Variants in IL33 observed in about 807,000 individuals in gnomAD.
IL33 encodes interleukin-33.
In IL33, 37 loss-of-function variants were observed where a neutral mutation model predicts 27.3. The ratio of observed to expected loss-of-function variants is 1.36; its 90% CI spans 1.04 to 1.78. The LOEUF (loss-of-function observed/expected upper bound fraction) is 1.78, where lower values mean the gene tolerates loss of function less well. IL33 is among the 40% of genes most tolerant of loss of function. The probability of loss-of-function intolerance (pLI) is 0.00; values close to 1 mark genes in which losing one functional copy is unlikely to be tolerated. For missense variants in IL33, 406 were observed against 311.4 expected (o/e 1.30, Z -2.29); for synonymous variants, 132 against 102.9 (o/e 1.28, Z -1.71).
intron 1 of IL33, among the ~76,000 whole-genome samples, chr9:6,225,577 A>G (rs1191579841): frequency 6.6e-6 from 1 of 152,216 alleles, no homozygotes; most frequent in Non-Finnish European, 1.5e-5. Flanking sequence ...TGCAAGAAGC[A>G]TCTTGGTTCT....
intron 1 of IL33, among the ~76,000 whole-genome samples, chr9:6,231,633 A>G (rs1818930333): frequency 6.6e-6 from 1 of 152,238 alleles, no homozygotes; most frequent in Non-Finnish European, 1.5e-5. Context: ...ATAGAAAGTA[A>G]ACTCCAGGAG....
chr9:6,252,728 T>A, intron 4 of IL33, 138 bp from the exon 5 acceptor site: 1 of 966,576 alleles, frequency 1.0e-6, no homozygotes, highest in Non-Finnish European at 1.6e-6. Context: ...ATGTAAAACT[T>A]GTATCAAAGG....
intron 1 of IL33, 119 bp from the exon 2 acceptor site, chr9:6,241,565 T>A (rs527660670): frequency 2.4e-5 from 14 of 584,456 alleles, no homozygotes; most frequent in African/African-American, 1.9e-4. Flanking sequence ...CAAACTTTAC[T>A]GAAATAATTA....
At chr9:6,234,114 A>C (rs921412193) in intron 1 of IL33, among the ~76,000 whole-genome samples, 2 of 152,002 alleles carry the variant, frequency 1.3e-5, no homozygotes, top group Non-Finnish European at 2.9e-5. Context: ...TTCCCCTTAC[A>C]TGTTAGATAT....
rs758073301 is a variant in IL33, at chr9:6,253,011, T to C, written c.469+20T>C. On this transcript the variant is annotated intron_variant, in intron 5 of 7. Coordinates refer to ENST00000682010, the MANE Select transcript of IL33 (RefSeq NM_033439.4). Reference sequence around the variant, plus strand: ...AGAAAGGTAGATTATTTTCTTTTTCTATAATAATGTAATAATGACTAATAA... The same window carrying C: ...AGAAAGGTAGATTATTTTCTTTTTCCATAATAATGTAATAATGACTAATAA... 1.4e-6 allele frequency: 2 copies of C among 1,395,672 alleles called. No individual in the cohort carries two copies. The highest frequency in any genetic ancestry group is 2.2e-5 in the Admixed American group (1 of 46,066). 86.5% of individuals were successfully genotyped at this position (1,395,672 alleles called of 1,614,324 possible). A position where few individuals can be genotyped will look rare whatever the true frequency, so the allele number is the denominator to read the frequency against.
intron 6 of IL33, among the ~76,000 whole-genome samples, 185 bp from the exon 7 acceptor site, chr9:6,254,277 T>C (rs1367647682): frequency 2.0e-5 from 3 of 152,206 alleles, no homozygotes; most frequent in Non-Finnish European, 2.9e-5. Context: ...TCTCTCCGGT[T>C]TATAAGTACC....
rs897047161 is a variant in IL33 at position 6,255,863 on chromosome 9, T to C, written c.613-105T>C. 8.0e-6 allele frequency: 7 copies of C among 875,878 alleles called. 1 individual carries two copies. The Admixed American group carries it at 1.0e-4, about 13-fold the overall frequency. 54.3% of individuals were successfully genotyped at this position (875,878 alleles called of 1,614,324 possible). A position where few individuals can be genotyped will look rare whatever the true frequency, so the allele number is the denominator to read the frequency against. On this transcript the variant is annotated intron_variant, in intron 7 of 7. Coordinates refer to ENST00000682010, the MANE Select transcript of IL33 (RefSeq NM_033439.4). ...TCACTAAGCAAGCTTGCTAGAAATA[T>C]CAAGTCATAAATAAGTATTCCCCTT...
intron 1 of IL33, among the ~76,000 whole-genome samples, chr9:6,232,564 T>A (rs966905973): frequency 6.6e-6 from 1 of 152,144 alleles, no homozygotes; most frequent in African/African-American, 2.4e-5. Flanking sequence ...TTCCTATGAT[T>A]ATCTAAAATG....
intron 1 of IL33, among the ~76,000 whole-genome samples, chr9:6,226,488 T>C (rs1818634879): frequency 6.6e-6 from 1 of 152,184 alleles, no homozygotes; most frequent in Non-Finnish European, 1.5e-5. Flanking sequence ...TCATTTTTCT[T>C]CCAAGTCTTT....
intron 1 of IL33, among the ~76,000 whole-genome samples, chr9:6,238,129 G>A (rs959339243): frequency 1.3e-5 from 2 of 152,186 alleles, no homozygotes; most frequent in Non-Finnish European, 2.9e-5. Flanking sequence ...GAGAAAGAAT[G>A]GAGGGAGACA....
chr9:6,236,617 C>T (rs1436942731), intron 1 of IL33, among the ~76,000 whole-genome samples: 1 of 152,200 alleles, frequency 6.6e-6, no homozygotes, highest in Non-Finnish European at 1.5e-5. Context: ...CCTGTAATCC[C>T]AGCACTTTGG....
intron 6 of IL33, among the ~76,000 whole-genome samples, chr9:6,253,835 G>A (rs1816561441): frequency 6.6e-6 from 1 of 152,126 alleles, no homozygotes; most frequent in African/African-American, 2.4e-5. Flanking sequence ...AAACAAGAGT[G>A]GTTTATGCTA....
At chr9:6,255,882 T>A in intron 7 of IL33, 86 bp from the exon 8 acceptor site, 1 of 1,031,318 alleles carries the variant, frequency 9.7e-7, no homozygotes, top group South Asian at 1.4e-5. Context: ...AAATAAGTAT[T>A]CCCCTTTAGT....
intron 1 of IL33, 43 bp downstream of exon 1, chr9:6,215,895 A>T (rs1317334471): frequency 1.3e-5 from 2 of 152,048 alleles, no homozygotes. Flanking sequence ...AGATTTTGCA[A>T]AGTTAAACCT....
Position 6,254,527 on chromosome 9 carries a change from G to A in IL33, c.586G>A (p.Ala196Thr). ...TCCTACAAAAGACTTCTGGTTGCAT[G>A]CCAACAACAAGGAACACTCTGTGGA... ...LSPTKDFWLH[A>T]NNKEHSVELH... is the part of the protein sequence containing the mutation. Residue 196 changes from alanine to threonine, a missense_variant, in exon 7 of 8, where the codon GCC (alanine) becomes ACC (threonine). By Grantham distance (58) the Ala-to-Thr change is moderately conservative. Coordinates refer to ENST00000682010, the MANE Select transcript of IL33 (RefSeq NM_033439.4). The A allele has an allele frequency of 6.3e-7, 1 of 1,592,720 alleles. No homozygotes were observed.
chr9:6,252,090 A>ACTT (rs1816426970), intron 4 of IL33, among the ~76,000 whole-genome samples: 1 of 131,232 alleles, frequency 7.6e-6, no homozygotes, highest in East Asian at 2.1e-4. Flanking sequence ...AAACAAAACA[A>ACTT]AAAAACCAAC....
chr9:6,255,560 T>C (rs1278033521), intron 7 of IL33, among the ~76,000 whole-genome samples: 1 of 152,154 alleles, frequency 6.6e-6, no homozygotes, highest in African/African-American at 2.4e-5. Context: ...AAAATAATAA[T>C]CATTTATATT....
chr9:6,241,844 T>C, intron 2 of IL33, 59 bp downstream of exon 2: 1 of 1,125,492 alleles, frequency 8.9e-7, no homozygotes, highest in Non-Finnish European at 1.3e-6. Flanking sequence ...TTATCAAATA[T>C]TTATACTCCA....
chr9:6,246,049 C>G (rs1819824352), intron 2 of IL33, among the ~76,000 whole-genome samples: 2 of 91,672 alleles, frequency 2.2e-5, no homozygotes, highest in Admixed American at 3.7e-4. Flanking sequence ...GGTGACAGAG[C>G]AAGACTCTGT....
Sources: gnomAD v4.1 joint callset for allele counts (sites outside exome capture counted in the v4.1 genomes callset) on GRCh38, gnomAD v4.1.1 for gene constraint, MANE v1.5 for transcripts, NCBI Gene and HGNC (gene_info 2026-07-23, HGNC 2026-07-21) for gene names.